The following NDUFAF2 variants were observed in gnomAD, a reference collection of about 807,000 sequenced individuals.
NDUFAF2 encodes the protein NADH:ubiquinone oxidoreductase complex assembly factor 2.
NDUFAF2 carries 13 observed loss-of-function variants against 22.8 expected under a neutral mutation model. The ratio of observed to expected loss-of-function variants is 0.57; its 90% CI spans 0.37 to 0.91. NDUFAF2 has a LOEUF of 0.91. Among genes scored for constraint, NDUFAF2 ranks in the 40% least tolerant of loss-of-function variants. The pLI is 0.01. For synonymous variants in NDUFAF2, 53 were observed against 64.2 expected (o/e 0.83, Z 0.84); for missense variants, 162 against 195.2 (o/e 0.83, Z 1.01).
intron 3 of NDUFAF2, chr5:61,114,944 G>C (rs904022687): frequency 2.6e-5 from 4 of 152,296 alleles, no homozygotes; most frequent in Admixed American, 2.6e-4. Flanking sequence ...AGGCCCTAGG[G>C]CTCCACAGTG....
At chr5:61,035,518 A>G (rs147383272) in intron 1 of NDUFAF2, among the ~76,000 whole-genome samples, 1 of 148,400 alleles carries the variant, frequency 6.7e-6, no homozygotes, top group East Asian at 2.0e-4. Flanking sequence ...TAAAGGAAAT[A>G]TCCAGCAAAA....
chr5:61,097,387 AGCTT>A (rs1389776318), intron 2 of NDUFAF2, among the ~76,000 whole-genome samples: 1 of 142,180 alleles, frequency 7.0e-6, no homozygotes, highest in Non-Finnish European at 1.5e-5. Flanking sequence ...TCTAACACAA[AGCTT>A]ACTTTATAAT....
Position 61,127,410 on chromosome 5 carries a change from A to C in NDUFAF2, c.259-25294A>C, listed in dbSNP as rs552011616. On this transcript the variant is annotated intron_variant, in intron 3 of 3. Coordinates refer to ENST00000296597, the MANE Select transcript of NDUFAF2 (RefSeq NM_174889.5). Reference sequence around the variant, plus strand: ...CAATAAAATACTGGCAAACTGAATCAAGCAGCACATCAAAAAGCTTATCCA... The same window carrying C: ...CAATAAAATACTGGCAAACTGAATCCAGCAGCACATCAAAAAGCTTATCCA... 6.3e-4 allele frequency among the ~76,000 whole-genome samples: 96 copies of C among 152,112 alleles called. No homozygotes were observed. In the South Asian group the frequency reaches 7.1e-3, roughly 11 times the overall value.
chr5:60,954,617 T>C (rs916659626), intron 1 of NDUFAF2, among the ~76,000 whole-genome samples: 3 of 152,174 alleles, frequency 2.0e-5, no homozygotes, highest in African/African-American at 7.2e-5. Context: ...CTTTTTCCTT[T>C]CATGTGTTAA....
chr5:60,982,505 C>A (rs1750998497), intron 1 of NDUFAF2, among the ~76,000 whole-genome samples: 1 of 150,938 alleles, frequency 6.6e-6, no homozygotes, highest in Admixed American at 6.6e-5. Context: ...CCCATTAACT[C>A]ATCATTTAAC....
At chr5:61,069,197 A>G (rs1351748455) in intron 1 of NDUFAF2, among the ~76,000 whole-genome samples, 1 of 150,766 alleles carries the variant, frequency 6.6e-6, no homozygotes, top group East Asian at 1.9e-4. Context: ...CTAACAAAAC[A>G]TTGTTGTGAA....
chr5:61,005,807 ATTTG>A (rs1474202005), intron 1 of NDUFAF2, among the ~76,000 whole-genome samples: 2 of 151,310 alleles, frequency 1.3e-5, no homozygotes, highest in African/African-American at 4.8e-5. Context: ...TTTCTTGTAA[ATTTG>A]TTTAAGTTCT....
intron 1 of NDUFAF2, among the ~76,000 whole-genome samples, chr5:60,971,449 G>T (rs112783063): frequency 6.6e-6 from 1 of 151,976 alleles, no homozygotes; most frequent in African/African-American, 2.4e-5. Context: ...ACCGTGCCCG[G>T]CTAATTTTTT....
intron 1 of NDUFAF2, among the ~76,000 whole-genome samples, chr5:60,984,120 CT>C: frequency 6.6e-6 from 1 of 152,214 alleles, no homozygotes; most frequent in East Asian, 1.9e-4. Context: ...CTTCACGTCC[CT>C]TTGTAAGTTG....
intron 1 of NDUFAF2, among the ~76,000 whole-genome samples, chr5:61,007,058 T>C (rs1321021175): frequency 2.0e-5 from 3 of 151,910 alleles, no homozygotes; most frequent in Non-Finnish European, 4.4e-5. Flanking sequence ...TTCTCCCATT[T>C]TGTAGATTGC....
In NDUFAF2 at chr5:61,051,488, G is replaced by A. The variant is rs111907919; in HGVS notation, c.128-21637G>A. On this transcript the variant is annotated intron_variant, in intron 1 of 3. Coordinates refer to ENST00000296597, the MANE Select transcript of NDUFAF2 (RefSeq NM_174889.5). ...TGCCTCCAGGAATGTGAGGCCATTA[G>A]GTTGTCAGATATGAGTCATAGTGGG... 8.1e-3 allele frequency among the ~76,000 whole-genome samples: 1,229 copies of A among 152,224 alleles called. 16 individuals carry two copies. Among genetic ancestry groups the A allele is most frequent in the African/African-American group, 0.027 (1,101 of 41,536 alleles).
At chr5:61,094,874 C>T (rs553550484) in intron 2 of NDUFAF2, among the ~76,000 whole-genome samples, 13 of 152,232 alleles carry the variant, frequency 8.5e-5, no homozygotes, top group East Asian at 3.9e-4. Context: ...GACCTGTTGC[C>T]GGCCTGAATG....
intron 1 of NDUFAF2, among the ~76,000 whole-genome samples, chr5:61,047,172 C>A (rs756533029): frequency 2.5e-4 from 38 of 152,078 alleles, no homozygotes; most frequent in Middle Eastern, 3.4e-3. Flanking sequence ...CTTTCCCATC[C>A]CGAGAGTATT....
At chr5:61,067,567 T>C (rs1460366207) in intron 1 of NDUFAF2, among the ~76,000 whole-genome samples, 3 of 152,100 alleles carry the variant, frequency 2.0e-5, no homozygotes, top group African/African-American at 4.8e-5. Context: ...CATTGATGGA[T>C]ATTTGGGTTG....
At chr5:61,077,280 TTTAG>T (rs1185489682) in intron 2 of NDUFAF2, among the ~76,000 whole-genome samples, 3 of 151,924 alleles carry the variant, frequency 2.0e-5, no homozygotes, top group Non-Finnish European at 4.4e-5. Flanking sequence ...TGCTCCAAAG[TTTAG>T]TTAGAGACAA....
intron 3 of NDUFAF2, among the ~76,000 whole-genome samples, chr5:61,128,751 T>C (rs1160797224): frequency 1.3e-5 from 2 of 152,212 alleles, no homozygotes; most frequent in Non-Finnish European, 2.9e-5. Flanking sequence ...AAGGACCTCA[T>C]GTCTAAAACA....
At chr5:61,017,028 C>T (rs1231560664) in intron 1 of NDUFAF2, among the ~76,000 whole-genome samples, 3 of 152,190 alleles carry the variant, frequency 2.0e-5, no homozygotes, top group Admixed American at 1.3e-4. Context: ...TTACTGTACT[C>T]GTTTTCTCTT....
At chr5:61,076,122 G>A (rs1317220436) in intron 2 of NDUFAF2, among the ~76,000 whole-genome samples, 1 of 152,160 alleles carries the variant, frequency 6.6e-6, no homozygotes, top group Non-Finnish European at 1.5e-5. Context: ...CCAGGCTGGA[G>A]TGCAGTGGCG....
intron 1 of NDUFAF2, among the ~76,000 whole-genome samples, chr5:60,978,860 T>C (rs1750937815): frequency 6.6e-6 from 1 of 152,158 alleles, no homozygotes; most frequent in African/African-American, 2.4e-5. Flanking sequence ...TCACCCCTCC[T>C]TTAACCCTAG....
Sources: gnomAD v4.1 joint callset for allele counts (sites outside exome capture counted in the v4.1 genomes callset) on GRCh38, gnomAD v4.1.1 for gene constraint, MANE v1.5 for transcripts, NCBI Gene and HGNC (gene_info 2026-07-23, HGNC 2026-07-21) for gene names.